The following MRC1 variants were observed in gnomAD, a reference collection of about 807,000 sequenced individuals.
MRC1 encodes the protein mannose receptor C-type 1, also known as macrophage mannose receptor 1.
In MRC1, 62 loss-of-function variants were observed where a neutral mutation model predicts 102.9. The ratio of observed to expected loss-of-function variants is 0.60; its 90% CI spans 0.49 to 0.74. The LOEUF (loss-of-function observed/expected upper bound fraction) is 0.74. Among genes scored for constraint, MRC1 ranks in the 30% least tolerant of loss-of-function variants. The pLI, the probability that MRC1 is intolerant of heterozygous loss-of-function variation, is 0.00. For missense variants in MRC1, 1,237 were observed against 862.8 expected (o/e 1.43, Z -5.43); for synonymous variants, 457 against 298.4 (o/e 1.53, Z -5.48).
At chr10:17,828,222 G>A (rs994557104) in intron 3 of MRC1, among the ~76,000 whole-genome samples, 7 of 151,980 alleles carry the variant, frequency 4.6e-5, no homozygotes, top group Admixed American at 6.6e-5. Context: ...GACTACAGGC[G>A]CCCGCCACCA....
intron 22 of MRC1, among the ~76,000 whole-genome samples, chr10:17,891,531 C>A (rs987118214): frequency 1.1e-4 from 17 of 152,042 alleles, no homozygotes; most frequent in Non-Finnish European, 1.9e-4. Flanking sequence ...AAGCGTAATG[C>A]GTTTGAATCA....
Position 17,827,444 on chromosome 10 carries a change from G to T in MRC1, c.464-98G>T. On this transcript the variant is annotated intron_variant, in intron 2 of 29. Coordinates refer to ENST00000569591, the MANE Select transcript of MRC1 (RefSeq NM_002438.4). ...TCTGTGGGTGCATCAAGTGTAATCAGAACAGTAAGACCAATTCCTTCAGTA... is the reference window on the plus strand; with the variant it reads ...TCTGTGGGTGCATCAAGTGTAATCATAACAGTAAGACCAATTCCTTCAGTA... 4 of 531,920 alleles carry T rather than the reference G, an allele frequency of 7.5e-6. 1 individual carries two copies. The highest frequency in any genetic ancestry group is 1.4e-5 in the Non-Finnish European group (4 of 277,658). The allele number at this position is 531,920 out of a possible 1,614,324, so 33.0% of individuals were successfully genotyped here.
chr10:17,901,950 T>G, intron 25 of MRC1, 23 bp from the exon 26 acceptor site: 2 of 780,856 alleles, frequency 2.6e-6, no homozygotes, highest in Admixed American at 1.7e-5. Context: ...TTTGCTTTAT[T>G]TAAAATGTGT....
intron 5 of MRC1, among the ~76,000 whole-genome samples, chr10:17,842,883 T>G (rs1838771963): frequency 6.6e-6 from 1 of 152,218 alleles, no homozygotes; most frequent in African/African-American, 2.4e-5. Context: ...CTTCAATTCC[T>G]AAGAAGTAGG....
chr10:17,833,930 GTTA>G, intron 4 of MRC1, 91 bp downstream of exon 4: 1 of 722,768 alleles, frequency 1.4e-6, no homozygotes, highest in Non-Finnish European at 2.6e-6. Flanking sequence ...GTTTATAGAT[GTTA>G]TGACAGAAGC....
At chr10:17,840,507 A>T (rs1417059696) in intron 4 of MRC1, among the ~76,000 whole-genome samples, 186 bp from the exon 5 acceptor site, 2 of 152,202 alleles carry the variant, frequency 1.3e-5, no homozygotes, top group African/African-American at 4.8e-5. Context: ...TTCCCCACCT[A>T]TCAGTGAAGG....
At chr10:17,873,495 C>T (rs564412646) in intron 15 of MRC1, among the ~76,000 whole-genome samples, 21,577 of 148,926 alleles carry the variant, frequency 0.14, 1,742 homozygotes, top group African/African-American at 0.2. Flanking sequence ...AACTCATGAT[C>T]TTTTTTTTTT....
rs34625338 is a variant in MRC1 at position 17,894,394 on chromosome 10, C to CTTTTTTTTTTTTTTTTTTTTTTTTTTTTT, written c.3250+105_3250+106insTTTTTTTTTTTTTTTTTTTTTTTTTTTTT. Reference sequence around the variant, plus strand: ...TTTTTCTTTCTTTCTTTCTTTCTTTCTTTTTTTTTTTTTTTTTTTTTTTGA... The same window carrying CTTTTTTTTTTTTTTTTTTTTTTTTTTTTT: ...TTTTTCTTTCTTTCTTTCTTTCTTTCTTTTTTTTTTTTTTTTTTTTTTTTTTTTTTTTTTTTTTTTTTTTTTTTTTTTGA... On this transcript the variant is annotated intron_variant, in intron 23 of 29. Transcript: ENST00000569591. The CTTTTTTTTTTTTTTTTTTTTTTTTTTTTT allele has an allele frequency of 3.1e-4, 124 of 406,194 alleles. 1 individual carries two copies. Among genetic ancestry groups the CTTTTTTTTTTTTTTTTTTTTTTTTTTTTT allele is most frequent in the African/African-American group, 5.2e-4 (15 of 28,928 alleles). The allele number at this position is 406,194 out of a possible 1,614,324, so 25.2% of individuals were successfully genotyped here. A position where few individuals can be genotyped will look rare whatever the true frequency, so the allele number is the denominator to read the frequency against.
Position 17,908,337 on chromosome 10 carries a change from C to T in MRC1, c.4078+639C>T, listed in dbSNP as rs1034733380. 2.2e-4 allele frequency among the ~76,000 whole-genome samples: 33 copies of T among 152,112 alleles called. 1 individual carries two copies. Among genetic ancestry groups the T allele is most frequent in the Non-Finnish European group, 4.1e-4 (28 of 68,024 alleles). On this transcript the variant is annotated intron_variant, in intron 28 of 29. Transcript: ENST00000569591. ...GCCACCAGGCTGGAGTGCAATGGTG[C>T]GATCTCGGCTCACTGCAACCTCCAC...
chr10:17,886,011 G>A (rs1833588327), intron 22 of MRC1, among the ~76,000 whole-genome samples: 1 of 152,170 alleles, frequency 6.6e-6, no homozygotes, highest in East Asian at 1.9e-4. Flanking sequence ...TATAAAAAGT[G>A]TGAAGAAATA....
At chr10:17,830,227 G>A (rs1838548192) in intron 3 of MRC1, among the ~76,000 whole-genome samples, 2 of 151,112 alleles carry the variant, frequency 1.3e-5, no homozygotes, top group South Asian at 4.1e-4. Flanking sequence ...TGCCTCCCAG[G>A]CTCAAGTGAT....
At chr10:17,838,440 C>T (rs1456212781) in intron 4 of MRC1, among the ~76,000 whole-genome samples, 1 of 151,720 alleles carries the variant, frequency 6.6e-6, no homozygotes, top group Non-Finnish European at 1.5e-5. Flanking sequence ...TCCGTATGTG[C>T]AGGATGAGGA....
chr10:17,811,955 C>A (rs917456745), intron 1 of MRC1, among the ~76,000 whole-genome samples: 1 of 152,102 alleles, frequency 6.6e-6, no homozygotes, highest in Admixed American at 6.5e-5. Flanking sequence ...AAAGGCAGGG[C>A]ACCTGCTTAG....
intron 22 of MRC1, among the ~76,000 whole-genome samples, chr10:17,887,764 A>G (rs1554842856): frequency 1.3e-5 from 2 of 152,188 alleles, no homozygotes; most frequent in East Asian, 3.8e-4. Context: ...TAAAGTTTAT[A>G]TTTCACAAAA....
intron 22 of MRC1, among the ~76,000 whole-genome samples, chr10:17,891,063 C>A (rs959548261): frequency 2.0e-5 from 3 of 151,590 alleles, no homozygotes; most frequent in Non-Finnish European, 4.4e-5. Flanking sequence ...CAGATGGGAC[C>A]ATCTAGTTGC....
intron 22 of MRC1, among the ~76,000 whole-genome samples, chr10:17,889,055 T>C (rs1234362656): frequency 3.9e-5 from 6 of 152,240 alleles, no homozygotes; most frequent in African/African-American, 1.4e-4. Context: ...TGCCCTATAG[T>C]CTGCTCTGTC....
chr10:17,856,713 A>G lies in MRC1; in HGVS notation c.1518+361A>G, dbSNP rs1001697393. On this transcript the variant is annotated intron_variant, in intron 9 of 29. Coordinates refer to ENST00000569591, the MANE Select transcript of MRC1 (RefSeq NM_002438.4). The stretch of plus-strand genomic sequence containing the variant: ...ATAGTAGAAGGTGACAGTCTACTAT[A>G]GTCTGTCATCCTATGGGTTGTTAAG... Among the ~76,000 whole-genome samples the G allele has an allele frequency of 4.0e-3, 607 of 152,246 alleles. 7 individuals carry two copies. The highest frequency in any genetic ancestry group is 0.014 in the African/African-American group (590 of 41,546).
intron 28 of MRC1, among the ~76,000 whole-genome samples, chr10:17,909,100 G>C (rs1352839083): frequency 1.3e-5 from 2 of 152,150 alleles, no homozygotes; most frequent in African/African-American, 2.4e-5. Context: ...CAGAGAGACA[G>C]ATAGATGATA....
chr10:17,874,346 T>G (rs1470369768), intron 16 of MRC1, among the ~76,000 whole-genome samples: 1 of 152,200 alleles, frequency 6.6e-6, no homozygotes. Context: ...CAATGTAGCA[T>G]CTTCTTCCAG....
Sources: allele counts gnomAD v4.1 joint callset (sites outside exome capture counted in the v4.1 genomes callset), GRCh38; gene constraint gnomAD v4.1.1; transcripts MANE v1.5; gene names NCBI Gene and HGNC (gene_info 2026-07-23, HGNC 2026-07-21).